The following MRPL24 variants were observed in gnomAD, a reference collection of about 807,000 sequenced individuals.
The protein encoded by MRPL24 is mitochondrial ribosomal protein L24, also known as large ribosomal subunit protein uL24m.
In MRPL24, 15 loss-of-function variants were observed where a neutral mutation model predicts 26.9. The ratio of observed to expected loss-of-function variants is 0.56; its 90% CI spans 0.37 to 0.86. MRPL24 has a LOEUF of 0.86. MRPL24 is among the 40% of genes least tolerant of loss of function. The probability of loss-of-function intolerance (pLI) is 0.00; values close to 1 mark genes in which losing one functional copy is unlikely to be tolerated. For missense variants in MRPL24, 241 were observed against 281.4 expected (o/e 0.86, Z 1.03); for synonymous variants, 92 against 102.4 (o/e 0.90, Z 0.62).
chr1:156,742,322 C>A (rs904000907), upstream of MRPL24: 1 of 152,522 alleles, frequency 6.6e-6, no homozygotes, highest in African/African-American at 2.4e-5. Flanking sequence ...GGTTACAAAT[C>A]AGATCTGGTG....
chr1:156,741,403 G>C (rs1187019058), upstream of MRPL24: 1 of 152,228 alleles, frequency 6.6e-6, no homozygotes, highest in Non-Finnish European at 1.5e-5. Flanking sequence ...CTAGGTGGTT[G>C]TGGCTTCCTG....
In MRPL24 at chr1:156,739,677, T is replaced by C. The variant is rs539907901; in HGVS notation, c.-60-913A>G. Among the ~76,000 whole-genome samples, 137 of 151,712 alleles carry C rather than the reference T, an allele frequency of 9.0e-4. 1 individual carries two copies. In the South Asian group the frequency reaches 0.012, roughly 13 times the overall value. ...AACTTAACTTTTTTTTTTTTTTTTTTCTGAGACGGAGTCTTGTTCTGTCGC... is the reference window on the plus strand; with the variant it reads ...AACTTAACTTTTTTTTTTTTTTTTTCCTGAGACGGAGTCTTGTTCTGTCGC... On this transcript the variant is annotated intron_variant, in intron 1 of 5. Transcript: ENST00000361531.
intron 1 of MRPL24, among the ~76,000 whole-genome samples, chr1:156,739,115 G>A (rs1207191356): frequency 6.6e-6 from 1 of 152,168 alleles, no homozygotes; most frequent in Non-Finnish European, 1.5e-5. Flanking sequence ...GAAAACAGAG[G>A]ATGGAACGCT....
At position 156,739,121 on chromosome 1, in the gene MRPL24, A is replaced by G. The variant is rs11579846; in HGVS notation, c.-60-357T>C. On this transcript the variant is annotated intron_variant, in intron 1 of 5. Transcript: ENST00000361531. ...GGATAGGAAGAAAACAGAGGATGGA[A>G]CGCTGGCATACGGCCAAAAGGTAGG... Among the ~76,000 whole-genome samples the G allele has an allele frequency of 4.8e-3, 724 of 152,352 alleles. 5 individuals are homozygous for G. Among genetic ancestry groups the G allele is most frequent in the Middle Eastern group, 0.027 (8 of 294 alleles).
intron 1 of MRPL24, chr1:156,740,342 G>A (rs1299512759): frequency 6.7e-6 from 1 of 149,444 alleles, no homozygotes; most frequent in Non-Finnish European, 1.5e-5. Flanking sequence ...TGTTATTTTC[G>A]GAAAAAGAAA....
At position 156,737,687 on chromosome 1, in the gene MRPL24, T is replaced by G; in HGVS notation, c.473A>C (p.Glu158Ala). The G allele has an allele frequency of 6.2e-7, 1 of 1,614,080 alleles. No homozygotes were observed. Among genetic ancestry groups the G allele is most frequent in the Admixed American group, 1.7e-5 (1 of 60,008 alleles). The change falls in exon 5 of 6, where the codon GAA (glutamate) becomes GCA (alanine). Residue 158 changes from glutamate (E) to alanine (A), a missense_variant. Physicochemically the swap from Glu to Ala is moderately radical, Grantham distance 107. Coordinates refer to ENST00000361531, the MANE Select transcript of MRPL24 (RefSeq NM_145729.3). ...TRSGRIIPKP[E>A]FPRADGIVPE... ...GACGATGCCATCAGCTCTGGGAAAT[T>G]CGGGTTTAGGGATAATTCTCCCTGA...
At chr1:156,739,764 C>T (rs1219307622) in intron 1 of MRPL24, among the ~76,000 whole-genome samples, 2 of 151,522 alleles carry the variant, frequency 1.3e-5, no homozygotes, top group Non-Finnish European at 2.9e-5. Context: ...TGGGTTCAAG[C>T]GATTCTCCTG....
At chr1:156,741,345 G>C (rs770190894), upstream of MRPL24, 7 of 152,204 alleles carry the variant, frequency 4.6e-5, no homozygotes, top group Non-Finnish European at 8.8e-5. Context: ...CATGCTCTGC[G>C]TGGAGGCCGC....
chr1:156,737,523 CT>C lies in MRPL24; in HGVS notation c.525del (p.Asp176ThrfsTer8). The C allele has an allele frequency of 1.2e-6, 2 of 1,606,602 alleles. No homozygotes were observed. The highest frequency in any genetic ancestry group is 1.7e-6 in the Non-Finnish European group (2 of 1,176,572). On this transcript the variant is annotated frameshift_variant, in exon 6 of 6. Transcript: ENST00000361531. LOFTEE classifies it high-confidence loss of function. The part of the protein sequence containing the change: ...IVPETWIDGP[K>X]DTSVEDALER... The stretch of plus-strand genomic sequence containing the variant: ...TCTAAAGCATCTTCCACTGATGTGT[CT>C]TTGGGGCCATCTGTTAAGCCAGAGG...
At chr1:156,737,624 C>A in intron 5 of MRPL24, 22 bp downstream of exon 5, 1 of 1,613,828 alleles carries the variant, frequency 6.2e-7, no homozygotes, top group Non-Finnish European at 8.5e-7. Flanking sequence ...CCACCCCTGA[C>A]CTTCCTGCCC....
At chr1:156,741,272 A>T (rs1299962310), upstream of MRPL24, 2 of 152,260 alleles carry the variant, frequency 1.3e-5, no homozygotes, top group Admixed American at 1.3e-4. Context: ...GGAACACACC[A>T]TGAAGCATGT....
chr1:156,738,651 A>G lies in MRPL24; in HGVS notation c.54T>C (p.His18=). Residue 18 remains histidine, a synonymous_variant, in exon 2 of 6, where the codon CAT becomes CAC. Coordinates refer to ENST00000361531, the MANE Select transcript of MRPL24 (RefSeq NM_145729.3). ...CTGGGGGGCTCATCCCATAGCGGTA[A>G]TGGGGGGGCAGAGTGACCTTGGATG... ...ALASKVTLPP[H]YRYGMSPPGS... is the part of the protein sequence containing the mutation. The G allele has an allele frequency of 6.2e-7, 1 of 1,602,604 alleles. No individual in the cohort carries two copies. The highest frequency in any genetic ancestry group is 8.5e-7 in the Non-Finnish European group (1 of 1,176,732).
At position 156,741,085 on chromosome 1, in the gene MRPL24, A is replaced by C. The variant is rs963430455; in HGVS notation, c.-134T>G. ...TTCCGCGGCACTTCGGATTTTCAGC[A>C]CATGGGCCCTCAGCGTCCCCTCCCC... On this transcript the variant is annotated 5_prime_UTR_variant, in exon 1 of 6. Coordinates refer to ENST00000361531, the MANE Select transcript of MRPL24 (RefSeq NM_145729.3). 1 of 152,216 alleles carries C rather than the reference A, an allele frequency of 6.6e-6. No individual in the cohort carries two copies. The highest frequency in any genetic ancestry group is 1.5e-5 in the Non-Finnish European group (1 of 68,054). The allele number at this position is 152,216 out of a possible 1,614,324, so 9.4% of individuals were successfully genotyped here.
In MRPL24 at chr1:156,738,504, C is replaced by T; in HGVS notation, c.183+18G>A. 1.9e-6 allele frequency: 3 copies of T among 1,614,088 alleles called. No homozygotes were observed. The highest frequency in any genetic ancestry group is 1.7e-6 in the Non-Finnish European group (2 of 1,179,946). On this transcript the variant is annotated intron_variant, in intron 2 of 5. Transcript: ENST00000361531. The stretch of plus-strand genomic sequence containing the variant: ...CAGGAGGTTCCCCATCACTCTACCC[C>T]CTGTATGAGGCTCTCACCGTGTCCC...
At chr1:156,737,813 A>G in intron 4 of MRPL24, 37 bp from the exon 5 acceptor site, 3 of 1,608,274 alleles carry the variant, frequency 1.9e-6, no homozygotes, top group African/African-American at 1.3e-5. Context: ...CCTACGAGCC[A>G]GGCTTCCTGC....
chr1:156,738,314 G>A (rs1166143517), intron 3 of MRPL24, 29 bp downstream of exon 3: 34 of 1,605,160 alleles, frequency 2.1e-5, no homozygotes, highest in Non-Finnish European at 2.8e-5. Context: ...CAGGCTTCCT[G>A]AGCATCCCCA....
rs1441891925 is a variant in MRPL24 at position 156,737,707 on chromosome 1, C to T, written c.453G>A (p.Gly151=). The change falls in exon 5 of 6, where the codon GGG becomes GGA. Residue 151 remains glycine (G), a synonymous_variant. Transcript: ENST00000361531. ...GAAATTCGGGTTTAGGGATAATTCT[C>T]CCTGATCGTGTGGAGACTCGTACCC... ...GERVRVSTRS[G]RIIPKPEFPR... 3 of 1,614,040 alleles carry T rather than the reference C, an allele frequency of 1.9e-6. No homozygotes were observed. The African/African-American group carries it at 4.0e-5, about 22-fold the overall frequency.
Position 156,737,378 on chromosome 1 carries a change from G to A in MRPL24, c.*20C>T, listed in dbSNP as rs1649900141. On this transcript the variant is annotated 3_prime_UTR_variant, in exon 6 of 6. Coordinates refer to ENST00000361531, the MANE Select transcript of MRPL24 (RefSeq NM_145729.3). ...TCAAGGCTGGGACAGAAGTTGGGGAGGAGCTGCTCTGCCCCAGGCTCAATA... is the reference window on the plus strand; with the variant it reads ...TCAAGGCTGGGACAGAAGTTGGGGAAGAGCTGCTCTGCCCCAGGCTCAATA... The A allele has an allele frequency of 1.3e-6, 2 of 1,539,708 alleles. No individual in the cohort carries two copies. Among genetic ancestry groups the A allele is most frequent in the African/African-American group, 2.8e-5 (2 of 72,154 alleles).
chr1:156,737,365 C>G lies in MRPL24; in HGVS notation c.*33G>C, dbSNP rs1041238604. The G allele has an allele frequency of 6.5e-7, 1 of 1,534,974 alleles. No homozygotes were observed. Among genetic ancestry groups the G allele is most frequent in the Non-Finnish European group, 8.7e-7 (1 of 1,146,760 alleles). On this transcript the variant is annotated 3_prime_UTR_variant, in exon 6 of 6. Coordinates refer to ENST00000361531, the MANE Select transcript of MRPL24 (RefSeq NM_145729.3). ...AGTGCCTCAGCCTTCAAGGCTGGGA[C>G]AGAAGTTGGGGAGGAGCTGCTCTGC...
Sources: gnomAD v4.1 joint callset for allele counts (sites outside exome capture counted in the v4.1 genomes callset) on GRCh38, gnomAD v4.1.1 for gene constraint, MANE v1.5 for transcripts, NCBI Gene and HGNC (gene_info 2026-07-23, HGNC 2026-07-21) for gene names.